Variants in DMD observed in about 807,000 individuals in gnomAD.
DMD encodes mutant dystrophin.
In DMD, 63 loss-of-function variants were observed where a neutral mutation model predicts 330.1. The observed-to-expected ratio is 0.19, with a 90% CI of 0.16 to 0.24. DMD has a LOEUF of 0.24. Among genes scored for constraint, DMD ranks in the 10% least tolerant of loss-of-function variants. DMD has a pLI of 1.00. For synonymous variants in DMD, 1,223 were observed against 959.8 expected, an observed-to-expected ratio of 1.27 and a Z score of -5.07; for missense variants, 3,344 against 2,684.1, an observed-to-expected ratio of 1.25 and a Z score of -5.43.
chrX:32,156,631 TACACACAC>T (rs747490085), intron 44 of DMD, among the ~76,000 whole-genome samples: 250 of 94,035 alleles, frequency 2.7e-3, no homozygotes, highest in African/African-American at 8.2e-3. Flanking sequence ...GACAAAAGGA[TACACACAC>T]ACACACACAC....
intron 1 of DMD, among the ~76,000 whole-genome samples, chrX:33,161,503 A>G (rs920514445): frequency 8.9e-6 from 1 of 111,916 alleles, no homozygotes; most frequent in Non-Finnish European, 1.9e-5. Flanking sequence ...TTATTGATAA[A>G]TCTGAGGTTG....
At chrX:32,436,907 C>A (rs2098263646) in intron 29 of DMD, among the ~76,000 whole-genome samples, 1 of 109,521 alleles carries the variant, frequency 9.1e-6, no homozygotes, top group Non-Finnish European at 1.9e-5. Flanking sequence ...GAGCCACGAT[C>A]ATGCCACTGC....
At chrX:33,259,981 G>A (rs1263588815) in intron 1 of DMD, among the ~76,000 whole-genome samples, 1 of 110,835 alleles carries the variant, frequency 9.0e-6, no homozygotes, top group Non-Finnish European at 1.9e-5. Flanking sequence ...TGGAAGGAGA[G>A]CTTGATTGTT....
chrX:31,660,925 C>T (rs2081084508), intron 53 of DMD, among the ~76,000 whole-genome samples: 1 of 111,254 alleles, frequency 9.0e-6, no homozygotes, highest in Non-Finnish European at 1.9e-5. Context: ...AATTAAAAAA[C>T]ATAAAATGCA....
intron 7 of DMD, among the ~76,000 whole-genome samples, chrX:32,735,085 A>G (rs2068262643): frequency 9.1e-6 from 1 of 110,273 alleles, no homozygotes; most frequent in Non-Finnish European, 1.9e-5. Flanking sequence ...TACAAAATCA[A>G]TGTACAAAAA....
At chrX:31,383,274 C>T (rs963137392) in intron 60 of DMD, among the ~76,000 whole-genome samples, 1 of 111,848 alleles carries the variant, frequency 8.9e-6, no homozygotes, top group Non-Finnish European at 1.9e-5. Flanking sequence ...CCTTCGCTGA[C>T]TCTTTTCGGA....
chrX:32,988,049 C>T (rs1296316019), intron 2 of DMD, among the ~76,000 whole-genome samples: 1 of 110,263 alleles, frequency 9.1e-6, no homozygotes, highest in Non-Finnish European at 1.9e-5. Context: ...TACTTAATAT[C>T]GGTTTTCTTT....
At chrX:32,511,252 A>G (rs1004102373) in intron 18 of DMD, among the ~76,000 whole-genome samples, 1 of 110,766 alleles carries the variant, frequency 9.0e-6, no homozygotes, top group East Asian at 2.9e-4. Flanking sequence ...GGCCGGGCGC[A>G]GGGGCTCACG....
Position 31,371,693 on chromosome X carries a change from G to A in DMD, c.9085-23059C>T, listed in dbSNP as rs757282450. Among the ~76,000 whole-genome samples the A allele has an allele frequency of 2.7e-5, 3 of 111,629 alleles. No individual in the cohort carries two copies. In the South Asian group the frequency reaches 1.2e-3, roughly 43 times the overall value. The stretch of plus-strand genomic sequence containing the variant: ...CAGGAAAAACTGTCCAGACACAGCA[G>A]GTATCAAGATTTGGAGACTTTCCTC... On this transcript the variant is annotated intron_variant, in intron 60 of 78. Transcript: ENST00000357033.
At chrX:32,265,025 A>C (rs1185347871) in intron 43 of DMD, among the ~76,000 whole-genome samples, 1 of 112,715 alleles carries the variant, frequency 8.9e-6, no homozygotes, top group Non-Finnish European at 1.9e-5. Context: ...GACTACAGAA[A>C]TTTGCATATG....
At chrX:33,055,908 A>C (rs2765394) in intron 1 of DMD, among the ~76,000 whole-genome samples, 1 of 109,286 alleles carries the variant, frequency 9.2e-6, no homozygotes, top group African/African-American at 3.3e-5. Context: ...GAATAAATAA[A>C]GTAATGAATG....
intron 51 of DMD, among the ~76,000 whole-genome samples, chrX:31,768,890 G>T (rs1407303409): frequency 8.9e-6 from 1 of 111,846 alleles, no homozygotes; most frequent in Non-Finnish European, 1.9e-5. Flanking sequence ...TGTCTAAAAT[G>T]AAGCAGATTT....
intron 24 of DMD, 138 bp from the exon 25 acceptor site, chrX:32,463,732 G>A (rs1480065690): frequency 1.2e-5 from 6 of 500,042 alleles, no homozygotes; most frequent in Admixed American, 9.7e-5. Flanking sequence ...GAGATACAGA[G>A]ATATTGATAT....
chrX:32,438,649 A>C (rs977723181), intron 28 of DMD, among the ~76,000 whole-genome samples: 3 of 111,614 alleles, frequency 2.7e-5, no homozygotes, highest in Non-Finnish European at 5.6e-5. Flanking sequence ...TTTTTCCTTG[A>C]CGTCCCCTAA....
At chrX:31,571,767 C>T (rs1178034004) in intron 55 of DMD, among the ~76,000 whole-genome samples, 3 of 111,604 alleles carry the variant, frequency 2.7e-5, no homozygotes, top group Non-Finnish European at 5.6e-5. Flanking sequence ...TGTTGAGCAG[C>T]ATCCCTGGCC....
intron 6 of DMD, among the ~76,000 whole-genome samples, chrX:32,814,443 T>A: frequency 8.9e-6 from 1 of 112,314 alleles, no homozygotes; most frequent in Non-Finnish European, 1.9e-5. Flanking sequence ...TGAGGGCACC[T>A]CATGACATTC....
intron 7 of DMD, among the ~76,000 whole-genome samples, chrX:32,729,292 C>G (rs1299565937): frequency 8.0e-5 from 9 of 111,879 alleles, no homozygotes; most frequent in Non-Finnish European, 3.8e-5. Flanking sequence ...TGGTCCCAAG[C>G]ATTTTGGATA....
At chrX:32,285,760 G>A (rs966781880) in intron 43 of DMD, among the ~76,000 whole-genome samples, 4 of 110,814 alleles carry the variant, frequency 3.6e-5, no homozygotes, top group African/African-American at 9.9e-5. Flanking sequence ...GAATGCAGTG[G>A]TGGATTTGGG....
At chrX:32,563,749 G>T (rs1328693142) in intron 16 of DMD, among the ~76,000 whole-genome samples, 1 of 111,826 alleles carries the variant, frequency 8.9e-6, no homozygotes, top group Non-Finnish European at 1.9e-5. Flanking sequence ...CCATTCCAAG[G>T]GAATGAGCAT....
Sources: allele counts gnomAD v4.1 joint callset (sites outside exome capture counted in the v4.1 genomes callset), GRCh38; gene constraint gnomAD v4.1.1; transcripts MANE v1.5; gene names NCBI Gene and HGNC (gene_info 2026-07-23, HGNC 2026-07-21).